GIP: variants seen among roughly 807,000 people sequenced by gnomAD.
The protein encoded by GIP is glucose-dependent insulinotropic polypeptide.
GIP carries 16 observed loss-of-function variants against 18.1 expected under a neutral mutation model. The observed-to-expected ratio is 0.88, with a 90% CI of 0.60 to 1.34. The LOEUF (loss-of-function observed/expected upper bound fraction) is 1.34. Among genes scored for constraint, GIP ranks in the 40% most tolerant of loss-of-function variants. The pLI is 0.00. For missense variants in GIP, 192 were observed against 183.4 expected (o/e 1.05, Z -0.27); for synonymous variants, 76 against 74.0 (o/e 1.03, Z -0.14).
At position 48,964,400 on chromosome 17, in the gene GIP, G is replaced by A; in HGVS notation, c.167C>T (p.Thr56Ile). ...QPRGPRYAEG[T>I]FISDYSIAMD... is the part of the protein sequence containing the mutation. ...GGCAATACTGTAGTCACTGATGAAAGTCCCTTCCGCGTACCTGGGGCCTCG... is the reference window on the plus strand; with the variant it reads ...GGCAATACTGTAGTCACTGATGAAAATCCCTTCCGCGTACCTGGGGCCTCG... Residue 56 changes from threonine to isoleucine, a missense_variant, in exon 3 of 6, where the codon ACT becomes ATT. Transcript: ENST00000357424. 6.2e-7 allele frequency: 1 copy of A among 1,613,852 alleles called. No individual in the cohort carries two copies. The highest frequency in any genetic ancestry group is 8.5e-7 in the Non-Finnish European group (1 of 1,179,782).
chr17:48,968,051 CTAAA>C (rs2041244886), intron 1 of GIP, among the ~76,000 whole-genome samples: 2 of 151,880 alleles, frequency 1.3e-5, no homozygotes, highest in South Asian at 4.2e-4. Context: ...GACTCCATCT[CTAAA>C]TAAATAAATA....
intron 3 of GIP, among the ~76,000 whole-genome samples, chr17:48,962,494 G>A (rs982588450): frequency 1.3e-5 from 2 of 151,914 alleles, no homozygotes; most frequent in Non-Finnish European, 2.9e-5. Context: ...TCAGCCTCCC[G>A]AGTAGCTGGA....
chr17:48,967,697 G>T (rs1229760722), intron 1 of GIP, among the ~76,000 whole-genome samples: 2 of 151,878 alleles, frequency 1.3e-5, no homozygotes, highest in Non-Finnish European at 2.9e-5. Flanking sequence ...AACACCATGG[G>T]GGAAGATGAG....
intron 3 of GIP, among the ~76,000 whole-genome samples, chr17:48,963,078 G>A (rs958107657): frequency 7.7e-6 from 1 of 129,936 alleles, no homozygotes; most frequent in African/African-American, 2.9e-5. Flanking sequence ...CTGCACTCCA[G>A]CCTGGGTGAC....
chr17:48,959,739 ATG>A (rs1456035664), intron 5 of GIP, among the ~76,000 whole-genome samples: 1 of 146,578 alleles, frequency 6.8e-6, no homozygotes, highest in Non-Finnish European at 1.5e-5. Context: ...TGAGAACAGG[ATG>A]GGCTCAGCTC....
At chr17:48,960,776 G>A (rs2041196187) in intron 5 of GIP, 110 bp downstream of exon 5, 1 of 719,646 alleles carries the variant, frequency 1.4e-6, no homozygotes, top group Non-Finnish European at 2.5e-6. Context: ...AAAACACTGA[G>A]GTTCAGAAAG....
At position 48,964,295 on chromosome 17, in the gene GIP, T is replaced by G; in HGVS notation, c.257+15A>C. On this transcript the variant is annotated intron_variant, in intron 3 of 5. Coordinates refer to ENST00000357424, the MANE Select transcript of GIP (RefSeq NM_004123.3). ...CCCGGCACAGGGAACAGGAGGAGTG[T>G]AAGCAGCGACTCACTCATTCTTCTT... The G allele has an allele frequency of 6.2e-7, 1 of 1,608,486 alleles. No individual in the cohort carries two copies. The highest frequency in any genetic ancestry group is 8.5e-7 in the Non-Finnish European group (1 of 1,175,338).
At chr17:48,967,358 T>TA in intron 1 of GIP, 105 bp from the exon 2 acceptor site, 9 of 598,342 alleles carry the variant, frequency 1.5e-5, no homozygotes, top group Non-Finnish European at 2.5e-5. Context: ...TTTTCCTTTT[T>TA]CTTTTTTTTT....
At chr17:48,958,785 G>A in intron 5 of GIP, 69 bp from the exon 6 acceptor site, 1 of 1,261,762 alleles carries the variant, frequency 7.9e-7, no homozygotes, top group Non-Finnish European at 1.1e-6. Context: ...ATTTATCCTG[G>A]GACCCAACCA....
intron 3 of GIP, 48 bp downstream of exon 3, chr17:48,964,262 A>C (rs1328624795): frequency 6.6e-7 from 1 of 1,514,238 alleles, no homozygotes; most frequent in Admixed American, 1.7e-5. Flanking sequence ...GAAGGTAGGA[A>C]GGCAGAGCCC....
rs536961969 is a variant in GIP, at chr17:48,965,093, T to C, written c.87-613A>G. On this transcript the variant is annotated intron_variant, in intron 2 of 5. Transcript: ENST00000357424. ...GGCGGAGCTTGCAGTGAGCTGAGAT[T>C]GCGCCAGTGCACTCCAGCCTGGGAG... Among the ~76,000 whole-genome samples, 43 of 138,704 alleles carry C rather than the reference T, an allele frequency of 3.1e-4. No individual in the cohort carries two copies. In the Middle Eastern group the frequency reaches 0.013, roughly 40 times the overall value. 91.0% of individuals were successfully genotyped at this position (138,704 alleles called of 152,430 possible).
rs1449754449 is a variant in GIP, at chr17:48,961,633, C to T, written c.350+94G>A. ...GAGGAAGAGGATGCTTATCTCAGGT[C>T]CTTGCTCTGCTCTGGGGTCAGGGAG... On this transcript the variant is annotated intron_variant, in intron 4 of 5. Transcript: ENST00000357424. 7 of 762,586 alleles carry T rather than the reference C, an allele frequency of 9.2e-6. No homozygotes were observed. In the East Asian group the frequency reaches 1.3e-4, roughly 14 times the overall value. 47.2% of individuals were successfully genotyped at this position (762,586 alleles called of 1,614,324 possible).
chr17:48,960,814 G>A lies in GIP; in HGVS notation c.452+72C>T, dbSNP rs1033119829. 4.5e-6 allele frequency: 4 copies of A among 891,056 alleles called. No homozygotes were observed. The African/African-American group carries it at 6.6e-5, about 15-fold the overall frequency. 55.2% of individuals were successfully genotyped at this position (891,056 alleles called of 1,614,324 possible). A position where few individuals can be genotyped will look rare whatever the true frequency, so the allele number is the denominator to read the frequency against. Reference sequence around the variant, plus strand: ...TATGTAATCAGCCAGCATGTGGAGGGGCAAAGATCTGAATCCATGTCTGAT... The same window carrying A: ...TATGTAATCAGCCAGCATGTGGAGGAGCAAAGATCTGAATCCATGTCTGAT... On this transcript the variant is annotated intron_variant, in intron 5 of 5. Transcript: ENST00000357424.
At chr17:48,958,801 G>T in intron 5 of GIP, 85 bp from the exon 6 acceptor site, 1 of 914,860 alleles carries the variant, frequency 1.1e-6, no homozygotes, top group South Asian at 1.4e-5. Context: ...AACCATTGTT[G>T]AACCCCTCCT....
At chr17:48,958,856 CTTTTTT>C in intron 5 of GIP, 140 bp from the exon 6 acceptor site, 1 of 426,436 alleles carries the variant, frequency 2.3e-6, no homozygotes, top group Non-Finnish European at 4.2e-6. Context: ...TATCAATTTA[CTTTTTT>C]TTTTTTTTTT....
chr17:48,962,251 G>T (rs2143847409), intron 3 of GIP, among the ~76,000 whole-genome samples: 1 of 152,020 alleles, frequency 6.6e-6, no homozygotes, highest in African/African-American at 2.4e-5. Flanking sequence ...TGTACTTTTT[G>T]TTTGCCATGT....
In GIP at chr17:48,961,738, C is replaced by A. The variant is rs1269409260; in HGVS notation, c.339G>T (p.Val113=). The A allele has an allele frequency of 1.9e-6, 3 of 1,609,238 alleles. No individual in the cohort carries two copies. The highest frequency in any genetic ancestry group is 2.7e-5 in the African/African-American group (2 of 74,870). ...SQANRKEEEA[V]EPQSSPAKNP... ...GCGCCCTGACTCACCTCTGTGGCTC[C>A]ACTGCCTCCTCCTCCTTCCTATTAG... The change falls in exon 4 of 6, where the codon GTG becomes GTT. Residue 113 remains valine, a synonymous_variant. Transcript: ENST00000357424.
In GIP at chr17:48,964,309, C is replaced by T. The variant is rs201426275; in HGVS notation, c.257+1G>A. On this transcript the variant is annotated splice_donor_variant, in intron 3 of 5. Transcript: ENST00000357424. LOFTEE classifies it high-confidence loss of function. ...CAGGAGGAGTGTAAGCAGCGACTCACTCATTCTTCTTCCCCTTTTGGGCCA... is the reference window on the plus strand; with the variant it reads ...CAGGAGGAGTGTAAGCAGCGACTCATTCATTCTTCTTCCCCTTTTGGGCCA... 6 of 1,612,526 alleles carry T rather than the reference C, an allele frequency of 3.7e-6. No individual in the cohort carries two copies. Among genetic ancestry groups the T allele is most frequent in the Admixed American group, 3.3e-5 (2 of 59,970 alleles).
chr17:48,966,181 C>T (rs1297613392), intron 2 of GIP, among the ~76,000 whole-genome samples: 4 of 148,600 alleles, frequency 2.7e-5, no homozygotes, highest in Middle Eastern at 3.3e-3. Flanking sequence ...TGCTTGAACC[C>T]GGGAGGCGGA....
Sources: allele counts gnomAD v4.1 joint callset (sites outside exome capture counted in the v4.1 genomes callset), GRCh38; gene constraint gnomAD v4.1.1; transcripts MANE v1.5; gene names NCBI Gene and HGNC (gene_info 2026-07-23, HGNC 2026-07-21).